Variants in FGD4 observed in about 807,000 individuals in gnomAD.
FGD4 encodes FYVE, RhoGEF and PH domain containing 4.
In FGD4, 42 loss-of-function variants were observed where a neutral mutation model predicts 102.0. That is an observed-to-expected ratio of 0.41 (90% CI 0.32 to 0.53). FGD4 has a LOEUF of 0.53. Ranked by LOEUF, FGD4 falls within the 20% of genes least tolerant of loss-of-function variation. The pLI, the probability that FGD4 is intolerant of heterozygous loss-of-function variation, is 0.21. For synonymous variants in FGD4, 380 were observed against 375.7 expected (o/e 1.01, Z -0.13); for missense variants, 902 against 1,078.2 (o/e 0.84, Z 2.29).
chr12:32,589,124 T>A (rs1437168560), intron 4 of FGD4, among the ~76,000 whole-genome samples: 1 of 152,198 alleles, frequency 6.6e-6, no homozygotes, highest in South Asian at 2.1e-4. Context: ...GAGGTATAGA[T>A]CATGTACTAG....
chr12:32,577,741 C>A (rs547691398), intron 3 of FGD4, among the ~76,000 whole-genome samples: 40 of 152,276 alleles, frequency 2.6e-4, no homozygotes, highest in African/African-American at 9.4e-4. Context: ...TGGTTTAATT[C>A]CATTTAAAAC....
intron 14 of FGD4, among the ~76,000 whole-genome samples, chr12:32,626,141 A>G (rs544389634): frequency 6.6e-6 from 1 of 152,320 alleles, no homozygotes; most frequent in Non-Finnish European, 1.5e-5. Context: ...ATTTAAGTTG[A>G]TGCTTAAAAG....
At chr12:32,424,360 G>A (rs1941755790) in intron 1 of FGD4, among the ~76,000 whole-genome samples, 1 of 152,032 alleles carries the variant, frequency 6.6e-6, no homozygotes, top group Admixed American at 6.6e-5. Context: ...GAAGACGATT[G>A]TTTCTAGCTT....
chr12:32,567,522 C>T (rs1335432976), intron 2 of FGD4, among the ~76,000 whole-genome samples: 1 of 152,070 alleles, frequency 6.6e-6, no homozygotes, highest in African/African-American at 2.4e-5. Flanking sequence ...TGTTGCTCTA[C>T]ATCCTGCAAT....
chr12:32,573,553 C>T (rs1467297595), intron 2 of FGD4, among the ~76,000 whole-genome samples: 2 of 152,196 alleles, frequency 1.3e-5, no homozygotes. Flanking sequence ...GTATCTGTTA[C>T]TTTTATTACA....
chr12:32,479,301 T>G (rs565422034), intron 1 of FGD4, among the ~76,000 whole-genome samples: 40 of 152,242 alleles, frequency 2.6e-4, no homozygotes, highest in Middle Eastern at 3.4e-3. Context: ...TTGTTTCATT[T>G]CCTATTAAAT....
At chr12:32,488,932 CTG>C (rs1404309017) in intron 1 of FGD4, among the ~76,000 whole-genome samples, 1 of 148,580 alleles carries the variant, frequency 6.7e-6, no homozygotes, top group African/African-American at 2.6e-5. Flanking sequence ...GGGCGAGACT[CTG>C]TCTCAAAAAA....
chr12:32,521,372 CAAAA>C (rs60786078), intron 1 of FGD4, among the ~76,000 whole-genome samples: 1 of 93,962 alleles, frequency 1.1e-5, no homozygotes. Flanking sequence ...GACTCCGTCT[CAAAA>C]AAAAAAAAAA....
At chr12:32,420,661 T>C (rs1353684709) in intron 1 of FGD4, among the ~76,000 whole-genome samples, 1 of 152,158 alleles carries the variant, frequency 6.6e-6, no homozygotes. Context: ...CTCTTCTAGC[T>C]TTCCCTGACT....
At position 32,561,835 on chromosome 12, in the gene FGD4, ATTT is replaced by A. The variant is rs757009074; in HGVS notation, c.167-2301_167-2299del. Among the ~76,000 whole-genome samples the A allele has an allele frequency of 3.9e-5, 6 of 152,336 alleles. No homozygotes were observed. In the East Asian group the frequency reaches 9.6e-4, roughly 24 times the overall value. On this transcript the variant is annotated intron_variant, in intron 1 of 16. Coordinates refer to ENST00000534526, the MANE Select transcript of FGD4 (RefSeq NM_001370298.3). ...CCTCTTCATCTATGTCTCATGATGT[ATTT>A]GTGTGATTTTAAAGAACATTTTGGA...
intron 1 of FGD4, among the ~76,000 whole-genome samples, chr12:32,518,349 A>T (rs1290258679): frequency 6.6e-6 from 1 of 152,152 alleles, no homozygotes; most frequent in Admixed American, 6.5e-5. Context: ...CTGGTGGCAC[A>T]TGCCGGTAAT....
rs770560590 is a variant in FGD4, at chr12:32,422,288, C to CTTTTTTTTTTTTTTTTTTTTTTT, written c.166+22335_166+22357dup. Among the ~76,000 whole-genome samples, 21 of 54,174 alleles carry CTTTTTTTTTTTTTTTTTTTTTTT rather than the reference C, an allele frequency of 3.9e-4. 2 individuals are homozygous for CTTTTTTTTTTTTTTTTTTTTTTT. The highest frequency in any genetic ancestry group is 5.3e-4 in the Non-Finnish European group (16 of 30,242). The allele number at this position is 54,174 out of a possible 152,430, so 35.5% of individuals were successfully genotyped here. On this transcript the variant is annotated intron_variant, in intron 1 of 16. Coordinates refer to ENST00000534526, the MANE Select transcript of FGD4 (RefSeq NM_001370298.3). ...TTGAAGCATCTCAAATTGGGAGCTGCTTTTTTTTTTTTTTTTTTTTTTTTT... is the reference window on the plus strand; with the variant it reads ...TTGAAGCATCTCAAATTGGGAGCTGCTTTTTTTTTTTTTTTTTTTTTTTTTTTTTTTTTTTTTTTTTTTTTTTT...
intron 1 of FGD4, among the ~76,000 whole-genome samples, chr12:32,499,240 C>T (rs748421015): frequency 1.1e-4 from 17 of 152,200 alleles, no homozygotes; most frequent in Non-Finnish European, 1.9e-4. Flanking sequence ...GCTTCCAAAG[C>T]GGTTTTATCT....
Position 32,640,394 on chromosome 12 carries a change from CT to C in FGD4, c.2574del (p.Ala859GlnfsTer6). On this transcript the variant is annotated frameshift_variant, in exon 17 of 17. Transcript: ENST00000534526. LOFTEE classifies it high-confidence loss of function. Reference protein sequence around the residue: ...LTQSKSVHSFAADSEELKQKW... With the variant: ...LTQSKSVHSFXADSEELKQKW... ...CAGTCTAAGTCCGTGCACAGCTTTGCTGCAGACAGTGAGGAACTGAAGCAGA... is the reference window on the plus strand; with the variant it reads ...CAGTCTAAGTCCGTGCACAGCTTTGCGCAGACAGTGAGGAACTGAAGCAGA... 1 of 1,614,212 alleles carries C rather than the reference CT, an allele frequency of 6.2e-7. No individual in the cohort carries two copies. The highest frequency in any genetic ancestry group is 8.5e-7 in the Non-Finnish European group (1 of 1,180,036).
chr12:32,459,149 T>A (rs1051841828), intron 1 of FGD4, among the ~76,000 whole-genome samples: 2 of 151,938 alleles, frequency 1.3e-5, no homozygotes, highest in Admixed American at 1.3e-4. Context: ...GATTATTAAT[T>A]TGGTTGGCAA....
intron 4 of FGD4, among the ~76,000 whole-genome samples, chr12:32,591,189 C>CT (rs1198413814): frequency 1.6e-4 from 25 of 152,068 alleles, no homozygotes; most frequent in Non-Finnish European, 7.4e-5. Flanking sequence ...AATTATCTAA[C>CT]TGACAGCAGA....
At chr12:32,405,408 C>T (rs764370019) in intron 1 of FGD4, among the ~76,000 whole-genome samples, 1 of 151,678 alleles carries the variant, frequency 6.6e-6, no homozygotes, top group Non-Finnish European at 1.5e-5. Flanking sequence ...TACAGGCAAG[C>T]GTCAACATGC....
chr12:32,520,238 T>C (rs1179264737), intron 1 of FGD4, among the ~76,000 whole-genome samples: 1 of 87,944 alleles, frequency 1.1e-5, no homozygotes, highest in Admixed American at 1.2e-4. Flanking sequence ...CAAATTGCTG[T>C]ATTGTGAAAT....
chr12:32,422,295 T>TTTTTTTTTTTTTTTTTG (rs1941664687), intron 1 of FGD4, among the ~76,000 whole-genome samples: 1 of 44,508 alleles, frequency 2.2e-5, no homozygotes, highest in Non-Finnish European at 4.1e-5. Flanking sequence ...CTGCTTTTTT[T>TTTTTTTTTTTTTTTTTG]TTTTTTTTTT....
Sources: gnomAD v4.1 joint callset for allele counts (sites outside exome capture counted in the v4.1 genomes callset) on GRCh38, gnomAD v4.1.1 for gene constraint, MANE v1.5 for transcripts, NCBI Gene and HGNC (gene_info 2026-07-23, HGNC 2026-07-21) for gene names.